The following FGF14 variants were observed in gnomAD, a reference collection of about 807,000 sequenced individuals.
FGF14 encodes fibroblast growth factor 14, also known as fibroblast growth factor homologous factor 4.
A neutral mutation model predicts 25.5 loss-of-function variants in FGF14; 5 were observed. The ratio of observed to expected loss-of-function variants is 0.20; its 90% CI spans 0.10 to 0.41. FGF14 has a LOEUF of 0.41. FGF14 is among the 10% of genes least tolerant of loss of function. The probability of loss-of-function intolerance (pLI) is 1.00; values close to 1 mark genes in which losing one functional copy is unlikely to be tolerated. For synonymous variants in FGF14, 138 were observed against 118.3 expected, an observed-to-expected ratio of 1.17 and a Z score of -1.08; for missense variants, 222 against 320.1, an observed-to-expected ratio of 0.69 and a Z score of 2.34.
At chr13:101,726,365 C>A (rs932792705) in intron 4 of FGF14, among the ~76,000 whole-genome samples, 1 of 151,680 alleles carries the variant, frequency 6.6e-6, no homozygotes, top group African/African-American at 2.4e-5. Flanking sequence ...AGGATTTGAG[C>A]CTTTGGAGGT....
chr13:102,210,957 C>T (rs1293880797), intron 1 of FGF14, among the ~76,000 whole-genome samples: 4 of 152,026 alleles, frequency 2.6e-5, no homozygotes, highest in Non-Finnish European at 5.9e-5. Flanking sequence ...TTGTCTTAGG[C>T]GGTGAACAAC....
At chr13:101,819,456 G>T (rs2042005650) in intron 3 of FGF14, among the ~76,000 whole-genome samples, 1 of 152,160 alleles carries the variant, frequency 6.6e-6, no homozygotes, top group Non-Finnish European at 1.5e-5. Flanking sequence ...GTGAATAGGA[G>T]AGAAATGGGC....
chr13:101,772,477 CTCTT>C (rs1279536555), intron 3 of FGF14, among the ~76,000 whole-genome samples: 1 of 152,016 alleles, frequency 6.6e-6, no homozygotes, highest in Non-Finnish European at 1.5e-5. Flanking sequence ...GTTGGGTGCT[CTCTT>C]TATTTTCTTT....
intron 3 of FGF14, among the ~76,000 whole-genome samples, chr13:101,750,789 A>G (rs2037220782): frequency 6.6e-6 from 1 of 152,168 alleles, no homozygotes; most frequent in African/African-American, 2.4e-5. Context: ...CTTGAAAGCA[A>G]TCAAGATGGC....
At chr13:101,866,323 T>A (rs2044704795) in intron 3 of FGF14, among the ~76,000 whole-genome samples, 1 of 152,106 alleles carries the variant, frequency 6.6e-6, no homozygotes, top group Admixed American at 6.6e-5. Flanking sequence ...AAAAAATGTC[T>A]GGCACATAAA....
intron 1 of FGF14, among the ~76,000 whole-genome samples, chr13:102,356,621 CA>C (rs765502032): frequency 9.2e-5 from 14 of 152,194 alleles, no homozygotes; most frequent in Non-Finnish European, 1.3e-4. Context: ...TGCCTGAGGG[CA>C]AGATTGTGCC....
chr13:101,943,885 C>T (rs1450235157), intron 1 of FGF14, among the ~76,000 whole-genome samples: 1 of 146,252 alleles, frequency 6.8e-6, no homozygotes, highest in African/African-American at 2.6e-5. Context: ...GCCTGTAATC[C>T]CAGGTACTGG....
Position 102,377,675 on chromosome 13 carries a change from G to A in FGF14, c.208+23796C>T, listed in dbSNP as rs375636395. Among the ~76,000 whole-genome samples, 9 of 152,276 alleles carry A rather than the reference G, an allele frequency of 5.9e-5. No homozygotes were observed. The East Asian group carries it at 7.7e-4, about 13-fold the overall frequency. On this transcript the variant is annotated intron_variant, in intron 1 of 4. Coordinates refer to the FGF14 transcript ENST00000376131. ...AATACAAAATTAGCTGGGTGTGGTG[G>A]CACATGTCTATAATCCCAGCTACTC...
At chr13:102,297,716 C>A (rs2054797203) in intron 1 of FGF14, among the ~76,000 whole-genome samples, 2 of 119,220 alleles carry the variant, frequency 1.7e-5, no homozygotes, top group Non-Finnish European at 3.6e-5. Context: ...CAAGATCCTA[C>A]CTCTATAAAA....
At chr13:102,081,529 T>C (rs1403314547) in intron 1 of FGF14, among the ~76,000 whole-genome samples, 1 of 152,196 alleles carries the variant, frequency 6.6e-6, no homozygotes, top group African/African-American at 2.4e-5. Context: ...CCCAATGATA[T>C]TCTCTATCAT....
chr13:102,200,963 G>T lies in FGF14; in HGVS notation c.208+200508C>A, dbSNP rs577419892. Among the ~76,000 whole-genome samples, 4 of 151,982 alleles carry T rather than the reference G, an allele frequency of 2.6e-5. No individual in the cohort carries two copies. The South Asian group carries it at 8.3e-4, about 32-fold the overall frequency. ...TAAAAACACAAAAAATTAGCCAGGC[G>T]TGGTGGGGGGCGCCTGTAGTCCCAG... On this transcript the variant is annotated intron_variant, in intron 1 of 4. Coordinates refer to the FGF14 transcript ENST00000376131.
chr13:102,009,029 T>C (rs891680080), intron 1 of FGF14, among the ~76,000 whole-genome samples: 1 of 152,106 alleles, frequency 6.6e-6, no homozygotes, highest in Non-Finnish European at 1.5e-5. Context: ...ATAAAAAAAA[T>C]TTCTCCTTTA....
chr13:102,027,257 A>G (rs948437661), intron 1 of FGF14, among the ~76,000 whole-genome samples: 6 of 151,354 alleles, frequency 4.0e-5, no homozygotes, highest in African/African-American at 1.5e-4. Context: ...ACATATATTT[A>G]TAAAATAGTA....
chr13:101,810,026 T>C (rs1258082722), intron 3 of FGF14, among the ~76,000 whole-genome samples: 1 of 152,202 alleles, frequency 6.6e-6, no homozygotes, highest in Non-Finnish European at 1.5e-5. Flanking sequence ...TCCTATAGTA[T>C]TTACAGATTA....
chr13:102,349,768 T>A (rs1389631822), intron 1 of FGF14, among the ~76,000 whole-genome samples: 1 of 152,220 alleles, frequency 6.6e-6, no homozygotes, highest in Non-Finnish European at 1.5e-5. Flanking sequence ...ACCCATGGGT[T>A]TAGGTTAAAG....
chr13:101,895,315 T>G (rs1202315677), intron 1 of FGF14, among the ~76,000 whole-genome samples: 2 of 152,154 alleles, frequency 1.3e-5, no homozygotes, highest in Non-Finnish European at 2.9e-5. Context: ...TGTAATTTTC[T>G]TACAAATGCC....
Position 101,714,220 on chromosome 13 carries a change from A to G in FGF14, c.*8611T>C, listed in dbSNP as rs1263673585. 1.9e-6 allele frequency: 1 copy of G among 522,902 alleles called. No individual in the cohort carries two copies. Among genetic ancestry groups the G allele is most frequent in the Non-Finnish European group, 3.4e-6 (1 of 293,672 alleles). 32.4% of individuals were successfully genotyped at this position (522,902 alleles called of 1,614,324 possible). On this transcript the variant is annotated 3_prime_UTR_variant, in exon 5 of 5. Transcript: ENST00000376143. ...GGCCATGGGACATTTGTTCAAGGCTAATTGCAACTGTCTAGATCCATAATG... is the reference window on the plus strand; with the variant it reads ...GGCCATGGGACATTTGTTCAAGGCTGATTGCAACTGTCTAGATCCATAATG...
At chr13:101,953,548 GTA>G (rs199855884) in intron 1 of FGF14, among the ~76,000 whole-genome samples, 4 of 148,422 alleles carry the variant, frequency 2.7e-5, no homozygotes, top group African/African-American at 7.4e-5. Context: ...TTCTGTATGT[GTA>G]TATATATATG....
At chr13:101,926,489 G>C (rs1021251699) in intron 1 of FGF14, among the ~76,000 whole-genome samples, 2 of 152,106 alleles carry the variant, frequency 1.3e-5, no homozygotes, top group African/African-American at 2.4e-5. Context: ...TTTAATTATT[G>C]CATCGCTCAG....
Sources: gnomAD v4.1 joint callset for allele counts (sites outside exome capture counted in the v4.1 genomes callset) on GRCh38, gnomAD v4.1.1 for gene constraint, MANE v1.5 for transcripts, NCBI Gene and HGNC (gene_info 2026-07-23, HGNC 2026-07-21) for gene names.